The following SBF1 variants were observed in gnomAD, a reference collection of about 807,000 sequenced individuals.
The protein encoded by SBF1 is SET binding factor 1.
Under a neutral mutation model 215.8 loss-of-function variants are expected in SBF1, and 65 were observed. The observed-to-expected ratio is 0.30, with a 90% CI of 0.25 to 0.37. The LOEUF (loss-of-function observed/expected upper bound fraction) is 0.37. Among genes scored for constraint, SBF1 ranks in the 10% least tolerant of loss-of-function variants. The pLI is 1.00. For synonymous variants in SBF1, 1,410 were observed against 1,122.8 expected (o/e 1.26, Z -5.11); for missense variants, 2,634 against 2,667.8 (o/e 0.99, Z 0.28).
At chr22:50,456,921 T>A in intron 29 of SBF1, 113 bp downstream of exon 29, 1 of 914,712 alleles carries the variant, frequency 1.1e-6, no homozygotes, top group Non-Finnish European at 1.5e-6. Context: ...GGGAGACGGG[T>A]CGTTAGTGTC....
Position 50,468,406 on chromosome 22 carries a change from C to T in SBF1, c.111G>A (p.Glu37=), listed in dbSNP as rs1460374306. ...CGATGCCCTGGGGGAATGGGTTGTC[C>T]TCCCAGTCCTTCTCTGGGAAGCGCT... ...ILQRFPEKDW[E]DNPFPQGIEL... is the part of the protein sequence containing the mutation. Residue 37 remains glutamate, a synonymous_variant, in exon 2 of 41, where the codon GAG becomes GAA. Transcript: ENST00000380817. 3.1e-6 allele frequency: 5 copies of T among 1,612,946 alleles called. No homozygotes were observed. The highest frequency in any genetic ancestry group is 4.2e-6 in the Non-Finnish European group (5 of 1,179,470).
intron 1 of SBF1, among the ~76,000 whole-genome samples, chr22:50,469,679 C>T (rs1210503057): frequency 2.0e-5 from 3 of 152,192 alleles, no homozygotes; most frequent in African/African-American, 2.4e-5. Context: ...ACCCACCTGG[C>T]GGAAGCAGCA....
chr22:50,461,587 A>C lies in SBF1; in HGVS notation c.2775T>G (p.Ala925=). Reference sequence around the variant, plus strand: ...ACGTGGTGAGGAAGACGGCGCCCTCAGCTGGGAGCAATGCTGGTCCCCCAG... The same window carrying C: ...ACGTGGTGAGGAAGACGGCGCCCTCCGCTGGGAGCAATGCTGGTCCCCCAG... ...GSAGGPALLP[A]EGAVFLTTYR... The change falls in exon 22 of 41, where the codon GCT becomes GCG. Residue 925 remains alanine (A), a synonymous_variant. Transcript: ENST00000380817. The C allele has an allele frequency of 6.2e-7, 1 of 1,612,078 alleles. No individual in the cohort carries two copies. Among genetic ancestry groups the C allele is most frequent in the Non-Finnish European group, 8.5e-7 (1 of 1,179,600 alleles).
chr22:50,454,975 C>T, intron 34 of SBF1, 31 bp from the exon 35 acceptor site: 1 of 1,613,890 alleles, frequency 6.2e-7, no homozygotes, highest in East Asian at 2.2e-5. Flanking sequence ...GCCTGGGCCC[C>T]TCCTGACCCG....
Position 50,446,987 on chromosome 22 carries a change from G to GCGGGGCGGGGA in SBF1, c.*144_*154dup. The GCGGGGCGGGGA allele has an allele frequency of 1.3e-6, 1 of 749,174 alleles. No homozygotes were observed. The highest frequency in any genetic ancestry group is 2.7e-5 in the East Asian group (1 of 37,220). 46.4% of individuals were successfully genotyped at this position (749,174 alleles called of 1,614,324 possible). ...AATAAGTTAGGGCCGGCCGGGCGGG[G>GCGGGGCGGGGA]CGGGGCGGGGACGGGGGCTGTACAC... On this transcript the variant is annotated 3_prime_UTR_variant, in exon 41 of 41. Transcript: ENST00000380817.
chr22:50,456,705 G>A, intron 29 of SBF1, 32 bp from the exon 30 acceptor site: 3 of 1,442,120 alleles, frequency 2.1e-6, no homozygotes, highest in Non-Finnish European at 2.7e-6. Context: ...AGCACCCAAA[G>A]GGGGCCAGGG....
chr22:50,450,658 G>A (rs2067010682), intron 36 of SBF1, among the ~76,000 whole-genome samples: 1 of 152,206 alleles, frequency 6.6e-6, no homozygotes, highest in Non-Finnish European at 1.5e-5. Context: ...GCCCTGGAGA[G>A]GCCACACGCC....
intron 36 of SBF1, among the ~76,000 whole-genome samples, chr22:50,451,089 G>A (rs1320835208): frequency 1.4e-5 from 2 of 146,432 alleles, no homozygotes; most frequent in African/African-American, 2.6e-5. Context: ...CAGCACTTTA[G>A]GAGGCCAAGG....
In SBF1 at chr22:50,446,982, G is replaced by A; in HGVS notation, c.*160C>T. On this transcript the variant is annotated 3_prime_UTR_variant, in exon 41 of 41. Transcript: ENST00000380817. Reference sequence around the variant, plus strand: ...GCCAAAATAAGTTAGGGCCGGCCGGGCGGGGCGGGGCGGGGACGGGGGCTG... The same window carrying A: ...GCCAAAATAAGTTAGGGCCGGCCGGACGGGGCGGGGCGGGGACGGGGGCTG... 2 of 728,708 alleles carry A rather than the reference G, an allele frequency of 2.7e-6. No homozygotes were observed. The highest frequency in any genetic ancestry group is 4.8e-6 in the Non-Finnish European group (2 of 417,000). The allele number at this position is 728,708 out of a possible 1,614,324, so 45.1% of individuals were successfully genotyped here. A position where few individuals can be genotyped will look rare whatever the true frequency, so the allele number is the denominator to read the frequency against.
chr22:50,470,863 G>A (rs1026731598), intron 1 of SBF1, among the ~76,000 whole-genome samples: 2 of 152,198 alleles, frequency 1.3e-5, no homozygotes, highest in African/African-American at 2.4e-5. Flanking sequence ...GGCCATGGAG[G>A]GCCCTGCAGC....
intron 10 of SBF1, 35 bp downstream of exon 10, chr22:50,465,728 T>C: frequency 6.4e-7 from 1 of 1,561,498 alleles, no homozygotes; most frequent in Non-Finnish European, 8.7e-7. Context: ...CCTAAGTGCC[T>C]GGGGTCCCCA....
chr22:50,474,836 G>T lies in SBF1; in HGVS notation c.5C>A (p.Ala2Glu). ...CAGCACGAAGTAGTCCGCGAGCCGC[G>T]CCATGGCGAGGGACGCGGGGCGGCC... is the stretch of plus-strand genomic sequence containing the variant. M[A>E]RLADYFVLVA... is the part of the protein sequence containing the mutation. The change falls in exon 1 of 41, where the codon GCG becomes GAG. Residue 2 changes from alanine (A) to glutamate (E), a missense_variant. Ala to Glu is a moderately radical substitution (Grantham distance 107, BLOSUM62 -1). Transcript: ENST00000380817. The T allele has an allele frequency of 7.0e-7, 1 of 1,433,818 alleles. No individual in the cohort carries two copies. The highest frequency in any genetic ancestry group is 1.3e-5 in the South Asian group (1 of 75,466). The allele number at this position is 1,433,818 out of a possible 1,614,324, so 88.8% of individuals were successfully genotyped here.
chr22:50,470,383 C>T (rs999913097), intron 1 of SBF1, among the ~76,000 whole-genome samples: 6 of 152,172 alleles, frequency 3.9e-5, no homozygotes, highest in Non-Finnish European at 5.9e-5. Context: ...CTCCACCCCC[C>T]GCTAGTCTTG....
chr22:50,462,623 C>T lies in SBF1; in HGVS notation c.2063G>A (p.Gly688Glu). The T allele has an allele frequency of 6.2e-7, 1 of 1,612,730 alleles. No individual in the cohort carries two copies. The highest frequency in any genetic ancestry group is 8.5e-7 in the Non-Finnish European group (1 of 1,179,766). The change falls in exon 18 of 41, where the codon GGG (glycine) becomes GAG (glutamate). Residue 688 changes from glycine (G) to glutamate (E), a missense_variant. Gly to Glu is a moderately conservative substitution (Grantham distance 98, BLOSUM62 -2). Transcript: ENST00000380817. ...GGCCCGGATGTGAGTCTGCACATCC[C>T]CATAGAACATGGCCTCCCAGAACTG... Reference protein sequence around the residue: ...TPQFWEAMFYGDVQTHIRALY... With the variant: ...TPQFWEAMFYEDVQTHIRALY...
intron 5 of SBF1, 91 bp downstream of exon 5, chr22:50,467,247 G>T: frequency 9.5e-7 from 1 of 1,054,032 alleles, no homozygotes; most frequent in African/African-American, 1.6e-5. Context: ...GCCTCCAGCT[G>T]TGTGTGGCTC....
At chr22:50,454,443 G>C (rs1034720051) in intron 36 of SBF1, 69 bp downstream of exon 36, 11 of 1,359,730 alleles carry the variant, frequency 8.1e-6, no homozygotes, top group Non-Finnish European at 1.1e-5. Context: ...ACACACACAC[G>C]CACGACCCTG....
At chr22:50,470,705 G>A (rs1166869289) in intron 1 of SBF1, among the ~76,000 whole-genome samples, 5 of 152,200 alleles carry the variant, frequency 3.3e-5, no homozygotes, top group Admixed American at 3.3e-4. Context: ...ACGGACCACA[G>A]GCTAATTAGG....
At chr22:50,447,491 CGT>C (rs1491471107) in intron 39 of SBF1, 29 bp downstream of exon 39, 79 of 1,609,426 alleles carry the variant, frequency 4.9e-5, no homozygotes, top group Admixed American at 6.7e-5. Flanking sequence ...CCCCCTCCCC[CGT>C]GAGTCCCCCC....
At position 50,464,335 on chromosome 22, in the gene SBF1, G is replaced by A. The variant is rs1285235966; in HGVS notation, c.1743C>T (p.Ala581=). Residue 581 remains alanine (A), a synonymous_variant, in exon 15 of 41, where the codon GCC becomes GCT. Transcript: ENST00000380817. Reference sequence around the variant, plus strand: ...GAGCCTGCACAGCCCTCACCTTCTTGGCCTCAAGCATTTTCCCCTCAAACA... The same window carrying A: ...GAGCCTGCACAGCCCTCACCTTCTTAGCCTCAAGCATTTTCCCCTCAAACA... ...SYVFEGKMLE[A]KKLLPAVLRA... 3.7e-6 allele frequency: 6 copies of A among 1,613,030 alleles called. No homozygotes were observed. Among genetic ancestry groups the A allele is most frequent in the East Asian group, 2.2e-5 (1 of 44,890 alleles).
Sources: gnomAD v4.1 joint callset for allele counts (sites outside exome capture counted in the v4.1 genomes callset) on GRCh38, gnomAD v4.1.1 for gene constraint, MANE v1.5 for transcripts, NCBI Gene and HGNC (gene_info 2026-07-23, HGNC 2026-07-21) for gene names.